TIGAR: variants seen among roughly 807,000 people sequenced by gnomAD.
TIGAR encodes the protein TP53 induced glycolysis regulatory phosphatase.
Under a neutral mutation model 17.9 loss-of-function variants are expected in TIGAR, and 7 were observed. The observed-to-expected ratio is 0.39, with a 90% confidence interval of 0.22 to 0.73. TIGAR has a LOEUF of 0.73. TIGAR is among the 30% of genes least tolerant of loss of function. TIGAR has a pLI of 0.42. For missense variants in TIGAR, 258 were observed against 327.4 expected (o/e 0.79, Z 1.64); for synonymous variants, 94 against 108.6 (o/e 0.87, Z 0.84).
chr12:4,339,876 T>A (rs1864700902), intron 3 of TIGAR, among the ~76,000 whole-genome samples: 1 of 151,968 alleles, frequency 6.6e-6, no homozygotes, highest in Non-Finnish European at 1.5e-5. Context: ...AAAAACAACC[T>A]AGGTACGGAA....
chr12:4,347,852 T>G (rs1864797799), intron 3 of TIGAR, among the ~76,000 whole-genome samples: 1 of 152,062 alleles, frequency 6.6e-6, no homozygotes, highest in Non-Finnish European at 1.5e-5. Flanking sequence ...ATATGAGAGT[T>G]TAGCTGGGCA....
In TIGAR at chr12:4,321,319, G is replaced by T; in HGVS notation, c.32+16G>T. 6.2e-7 allele frequency: 1 copy of T among 1,600,842 alleles called. No homozygotes were observed. Among genetic ancestry groups the T allele is most frequent in the Non-Finnish European group, 8.5e-7 (1 of 1,179,744 alleles). ...TTGTCCGGCAGTGAGTATGGCTGTGGCAGGATGTCTTTCTCTCTCTCTTCC... is the reference window on the plus strand; with the variant it reads ...TTGTCCGGCAGTGAGTATGGCTGTGTCAGGATGTCTTTCTCTCTCTCTTCC... On this transcript the variant is annotated intron_variant, in intron 1 of 5. Coordinates refer to ENST00000179259, the MANE Select transcript of TIGAR (RefSeq NM_020375.3). This position sits in a 1 kb window ranked among gnomAD's most constrained non-coding sequence, Gnocchi z 5.2.
chr12:4,349,399 C>G (rs1365637383), intron 3 of TIGAR, among the ~76,000 whole-genome samples: 1 of 151,080 alleles, frequency 6.6e-6, no homozygotes, highest in African/African-American at 2.4e-5. Context: ...GCAACTTTTG[C>G]AAAGGAAAAT....
At chr12:4,340,828 G>A (rs752618876) in intron 3 of TIGAR, among the ~76,000 whole-genome samples, 1 of 152,168 alleles carries the variant, frequency 6.6e-6, no homozygotes, top group Non-Finnish European at 1.5e-5. Context: ...TGGAAAACTG[G>A]ATATCCATAT....
In TIGAR at chr12:4,358,928, G is replaced by GT. The variant is rs566819214; in HGVS notation, c.*6245dup. Among the ~76,000 whole-genome samples, 4 of 151,192 alleles carry GT rather than the reference G, an allele frequency of 2.6e-5. No individual in the cohort carries two copies. Among genetic ancestry groups the GT allele is most frequent in the African/African-American group, 4.9e-5 (2 of 41,110 alleles). ...TTTAAAAAATAGGTGAGTTCTTGTGGTTTTTTTTCCTGACATATCCTCATT... is the reference window on the plus strand; with the variant it reads ...TTTAAAAAATAGGTGAGTTCTTGTGGTTTTTTTTTCCTGACATATCCTCATT... On this transcript the variant is annotated 3_prime_UTR_variant, in exon 6 of 6. Coordinates refer to ENST00000179259, the MANE Select transcript of TIGAR (RefSeq NM_020375.3).
At chr12:4,322,234 T>C (rs977338913) in intron 1 of TIGAR, among the ~76,000 whole-genome samples, 34 of 152,196 alleles carry the variant, frequency 2.2e-4, no homozygotes, top group African/African-American at 8.0e-4. Flanking sequence ...TGACCTTAAG[T>C]GATCCGACTA....
intron 1 of TIGAR, chr12:4,324,437 G>A: frequency 6.6e-7 from 1 of 1,516,544 alleles, no homozygotes; most frequent in Non-Finnish European, 9.2e-7. Context: ...TGCTTCACCA[G>A]CTTATAGGTG....
At position 4,324,033 on chromosome 12, in the gene TIGAR, G is replaced by A. The variant is rs567301784; in HGVS notation, c.32+2730G>A. 5.4e-4 allele frequency among the ~76,000 whole-genome samples: 82 copies of A among 152,322 alleles called. 1 individual carries two copies. Among genetic ancestry groups the A allele is most frequent in the Middle Eastern group, 6.8e-3 (2 of 294 alleles). On this transcript the variant is annotated intron_variant, in intron 1 of 5. Transcript: ENST00000179259. ...AAGCAATTTAAGTTCAACAGAACCT[G>A]TTAGGAATCTTGTGCTGTTCCTGTA...
At chr12:4,335,890 C>T (rs1274781089) in intron 2 of TIGAR, among the ~76,000 whole-genome samples, 1 of 152,226 alleles carries the variant, frequency 6.6e-6, no homozygotes, top group Non-Finnish European at 1.5e-5. Flanking sequence ...GGCCCTCCAG[C>T]CCCCAGCAAT....
intron 3 of TIGAR, among the ~76,000 whole-genome samples, chr12:4,343,654 A>T (rs1463660614): frequency 6.6e-6 from 1 of 152,268 alleles, no homozygotes; most frequent in African/African-American, 2.4e-5. Context: ...AAATGAAGGC[A>T]GAAATAAAGA....
intron 2 of TIGAR, among the ~76,000 whole-genome samples, chr12:4,332,297 C>T (rs181566703): frequency 1.5e-5 from 2 of 129,444 alleles, no homozygotes; most frequent in East Asian, 4.9e-4. Context: ...ACCTGGAGTG[C>T]AGTGGTGCGA....
At chr12:4,344,644 A>C (rs1353578350) in intron 3 of TIGAR, among the ~76,000 whole-genome samples, 1 of 152,234 alleles carries the variant, frequency 6.6e-6, no homozygotes, top group Non-Finnish European at 1.5e-5. Flanking sequence ...ATCTCAATAG[A>C]TGCAGAAAAG....
At chr12:4,345,334 C>T (rs1864768040) in intron 3 of TIGAR, among the ~76,000 whole-genome samples, 1 of 152,202 alleles carries the variant, frequency 6.6e-6, no homozygotes, top group Admixed American at 6.5e-5. Context: ...AAGCTGGAGG[C>T]ATCACGCTAC....
chr12:4,342,252 A>G (rs1014361786), intron 3 of TIGAR, among the ~76,000 whole-genome samples: 29 of 150,194 alleles, frequency 1.9e-4, no homozygotes, highest in Non-Finnish European at 3.2e-4. Flanking sequence ...GACCAAATCT[A>G]TGTCTGATTG....
In TIGAR at chr12:4,359,481, G is replaced by A. The variant is rs1412534885; in HGVS notation, c.*6790G>A. ...TTGGAAATGAAATGAAAGACGCCTG[G>A]TGTGCATGGTATTTAGAAACCAAGA... On this transcript the variant is annotated 3_prime_UTR_variant, in exon 6 of 6. Transcript: ENST00000179259. 1.3e-5 allele frequency among the ~76,000 whole-genome samples: 2 copies of A among 151,822 alleles called. No individual in the cohort carries two copies. The highest frequency in any genetic ancestry group is 2.4e-5 in the African/African-American group (1 of 41,306).
chr12:4,322,883 A>G lies in TIGAR; in HGVS notation c.32+1580A>G, dbSNP rs141123218. On this transcript the variant is annotated intron_variant, in intron 1 of 5. Transcript: ENST00000179259. Reference sequence around the variant, plus strand: ...AAAGGTCACACAGCTAATCGGTAGCAGAACAGGAACTAGAGGCCTGATCAC... The same window carrying G: ...AAAGGTCACACAGCTAATCGGTAGCGGAACAGGAACTAGAGGCCTGATCAC... 5.6e-3 allele frequency among the ~76,000 whole-genome samples: 846 copies of G among 152,272 alleles called. 29 individuals are homozygous for G. Among genetic ancestry groups the G allele is most frequent in the Admixed American group, 0.043 (657 of 15,290 alleles).
At position 4,358,020 on chromosome 12, in the gene TIGAR, C is replaced by T. The variant is rs912744577; in HGVS notation, c.*5329C>T. Among the ~76,000 whole-genome samples the T allele has an allele frequency of 6.7e-6, 1 of 150,070 alleles. No individual in the cohort carries two copies. The highest frequency in any genetic ancestry group is 1.5e-5 in the Non-Finnish European group (1 of 67,800). Reference sequence around the variant, plus strand: ...TTGGGAGGCTGAGGCAGTAGAATGGCGTGAACCCGGGAGGTGGAGCTTGCA... The same window carrying T: ...TTGGGAGGCTGAGGCAGTAGAATGGTGTGAACCCGGGAGGTGGAGCTTGCA... On this transcript the variant is annotated 3_prime_UTR_variant, in exon 6 of 6. Coordinates refer to ENST00000179259, the MANE Select transcript of TIGAR (RefSeq NM_020375.3).
At chr12:4,325,337 T>G (rs1864533509) in intron 1 of TIGAR, among the ~76,000 whole-genome samples, 6 of 152,220 alleles carry the variant, frequency 3.9e-5, no homozygotes, top group Admixed American at 3.9e-4. Context: ...TTCTGTATAT[T>G]AATAAAGCAA....
At chr12:4,329,848 A>T (rs1215090682) in intron 1 of TIGAR, among the ~76,000 whole-genome samples, 1 of 152,086 alleles carries the variant, frequency 6.6e-6, no homozygotes, top group African/African-American at 2.4e-5. Context: ...CCTTTAAGGA[A>T]CTGGAGCCAG....
Sources: allele counts gnomAD v4.1 joint callset (sites outside exome capture counted in the v4.1 genomes callset), GRCh38; gene constraint gnomAD v4.1.1; non-coding constraint Gnocchi (gnomAD v3.1); transcripts MANE v1.5; gene names NCBI Gene and HGNC (gene_info 2026-07-23, HGNC 2026-07-21).